Variants in MARCHF1 observed in about 807,000 individuals in gnomAD.
The protein encoded by MARCHF1 is membrane associated ring-CH-type finger 1, also known as E3 ubiquitin-protein ligase MARCHF1.
MARCHF1 carries 40 observed loss-of-function variants against 54.2 expected under a neutral mutation model. The ratio of observed to expected loss-of-function variants is 0.74; its 90% CI spans 0.57 to 0.96. MARCHF1 has a LOEUF of 0.96. MARCHF1 is among the 40% of genes least tolerant of loss of function. MARCHF1 has a pLI of 0.00. For missense variants in MARCHF1, 586 were observed against 656.5 expected (o/e 0.89, Z 1.17); for synonymous variants, 236 against 236.3 (o/e 1.00, Z 0.01).
At chr4:163,547,839 G>T (rs1738960324) in intron 8 of MARCHF1, among the ~76,000 whole-genome samples, 1 of 152,060 alleles carries the variant, frequency 6.6e-6, no homozygotes, top group Admixed American at 6.6e-5. Context: ...CCTCCTACTG[G>T]CCAATCATCA....
At chr4:164,188,337 T>C in intron 1 of MARCHF1, 1 of 417,988 alleles carries the variant, frequency 2.4e-6, no homozygotes, top group Non-Finnish European at 4.5e-6. Flanking sequence ...GGCCGGTGGC[T>C]TCATTGCCTG....
In MARCHF1 at chr4:163,621,535, G is replaced by C. The variant is rs112922391; in HGVS notation, c.163-8142C>G. ...TTTCAGTGAGAGAATATTTGTGAAA[G>C]CTTGATTTTTTTAAACAAAGAAAAC... On this transcript the variant is annotated intron_variant, in intron 5 of 9. Coordinates refer to ENST00000514618, the MANE Select transcript of MARCHF1 (RefSeq NM_001394959.1). Among the ~76,000 whole-genome samples the C allele has an allele frequency of 4.0e-4, 61 of 152,222 alleles. 1 individual carries two copies. Among genetic ancestry groups the C allele is most frequent in the African/African-American group, 1.4e-3 (59 of 41,548 alleles).
At chr4:163,848,094 A>G (rs1256400498) in intron 4 of MARCHF1, among the ~76,000 whole-genome samples, 1 of 152,220 alleles carries the variant, frequency 6.6e-6, no homozygotes, top group African/African-American at 2.4e-5. Context: ...TAATGAAATG[A>G]TGGACATAAA....
intron 3 of MARCHF1, among the ~76,000 whole-genome samples, chr4:163,872,514 T>C (rs1750190572): frequency 6.6e-6 from 1 of 152,170 alleles, no homozygotes. Context: ...TAACTTCTTT[T>C]GTTTTGGAAG....
chr4:164,033,975 A>G (rs946741732), intron 2 of MARCHF1, among the ~76,000 whole-genome samples: 2 of 152,138 alleles, frequency 1.3e-5, no homozygotes, highest in African/African-American at 4.8e-5. Context: ...ACATGCATGT[A>G]TACGTTTTCT....
intron 8 of MARCHF1, among the ~76,000 whole-genome samples, chr4:163,574,373 A>T: frequency 6.6e-6 from 1 of 151,764 alleles, no homozygotes; most frequent in East Asian, 1.9e-4. Flanking sequence ...GGTGTTTTAG[A>T]CATGAAGTCC....
chr4:163,964,106 C>A (rs554993647), intron 3 of MARCHF1, among the ~76,000 whole-genome samples: 1 of 152,100 alleles, frequency 6.6e-6, no homozygotes, highest in East Asian at 1.9e-4. Context: ...TAATCATTTT[C>A]ACAATCACCT....
intron 2 of MARCHF1, among the ~76,000 whole-genome samples, chr4:164,064,371 C>A (rs977362157): frequency 6.6e-6 from 1 of 152,028 alleles, no homozygotes; most frequent in African/African-American, 2.4e-5. Context: ...TTGTAGAGAT[C>A]CTTCACCTGT....
chr4:164,213,233 A>C (rs1342557161), intron 1 of MARCHF1, among the ~76,000 whole-genome samples: 2 of 93,032 alleles, frequency 2.1e-5, no homozygotes, highest in East Asian at 8.4e-4. Flanking sequence ...TATTATTATT[A>C]TTATTATTAT....
intron 1 of MARCHF1, among the ~76,000 whole-genome samples, chr4:164,141,668 C>T (rs1756539215): frequency 6.6e-6 from 1 of 152,234 alleles, no homozygotes; most frequent in South Asian, 2.1e-4. Context: ...GGTAAAAGTA[C>T]AAATTCTTCA....
intron 7 of MARCHF1, among the ~76,000 whole-genome samples, chr4:163,592,715 C>T (rs55962603): frequency 0.014 from 2,167 of 152,076 alleles, 59 homozygotes; most frequent in African/African-American, 0.049. Flanking sequence ...GGAGATGGTT[C>T]GATGCCATTG....
intron 1 of MARCHF1, among the ~76,000 whole-genome samples, chr4:164,338,366 CA>C (rs1729818685): frequency 6.6e-6 from 1 of 151,788 alleles, no homozygotes; most frequent in Non-Finnish European, 1.5e-5. Flanking sequence ...TAAAAGAAAA[CA>C]AAGAATATGT....
intron 1 of MARCHF1, chr4:164,197,608 T>C: frequency 6.2e-7 from 1 of 1,613,110 alleles, no homozygotes; most frequent in Non-Finnish European, 8.5e-7. Context: ...TGTGAGGGCT[T>C]CGAGTTTGCC....
chr4:164,227,722 TA>T (rs768080961), intron 1 of MARCHF1, among the ~76,000 whole-genome samples: 1 of 151,484 alleles, frequency 6.6e-6, no homozygotes, highest in Non-Finnish European at 1.5e-5. Context: ...GTTGTTAATT[TA>T]AAAAAAAACT....
intron 3 of MARCHF1, among the ~76,000 whole-genome samples, chr4:163,909,764 G>A (rs191245836): frequency 1.2e-3 from 180 of 152,248 alleles, no homozygotes; most frequent in South Asian, 4.8e-3. Context: ...TAAATTGCTT[G>A]AGTTCATATT....
intron 3 of MARCHF1, among the ~76,000 whole-genome samples, chr4:163,959,372 C>CAAAA (rs1404992671): frequency 6.7e-6 from 1 of 148,682 alleles, no homozygotes; most frequent in African/African-American, 2.5e-5. Flanking sequence ...ACAAAACAAA[C>CAAAA]AAAAAAAAAG....
At chr4:164,237,744 TAG>T (rs1205329618) in intron 1 of MARCHF1, among the ~76,000 whole-genome samples, 1 of 152,030 alleles carries the variant, frequency 6.6e-6, no homozygotes, top group Non-Finnish European at 1.5e-5. Flanking sequence ...GTGTTTGACC[TAG>T]AGAGAGGTTT....
At chr4:164,120,538 T>C (rs1172447309) in intron 1 of MARCHF1, among the ~76,000 whole-genome samples, 2 of 152,132 alleles carry the variant, frequency 1.3e-5, no homozygotes, top group African/African-American at 4.8e-5. Context: ...TACACATTCT[T>C]TTCCTCAGCA....
intron 5 of MARCHF1, among the ~76,000 whole-genome samples, chr4:163,641,755 C>T (rs1323282913): frequency 6.6e-6 from 1 of 152,108 alleles, no homozygotes; most frequent in East Asian, 1.9e-4. Context: ...TTCCATTGAT[C>T]TCATTTCTTC....
Sources: allele counts gnomAD v4.1 joint callset (sites outside exome capture counted in the v4.1 genomes callset), GRCh38; gene constraint gnomAD v4.1.1; transcripts MANE v1.5; gene names NCBI Gene and HGNC (gene_info 2026-07-23, HGNC 2026-07-21).